Variants in CNTN5 observed in about 807,000 individuals in gnomAD.
CNTN5 encodes the protein contactin-5.
CNTN5 carries 77 observed loss-of-function variants against 129.1 expected under a neutral mutation model. That is an observed-to-expected ratio of 0.60 (90% CI 0.50 to 0.72). CNTN5 has a LOEUF of 0.72. CNTN5 is among the 30% of genes least tolerant of loss of function. CNTN5 has a pLI of 0.00. For synonymous variants in CNTN5, 509 were observed against 465.6 expected, an observed-to-expected ratio of 1.09 and a Z score of -1.20; for missense variants, 1,478 against 1,328.8, an observed-to-expected ratio of 1.11 and a Z score of -1.75.
intron 1 of CNTN5, among the ~76,000 whole-genome samples, chr11:99,140,816 A>G (rs1859475767): frequency 6.6e-6 from 1 of 151,734 alleles, no homozygotes; most frequent in African/African-American, 2.4e-5. Context: ...CATATATCAA[A>G]CCAACCTTGA....
At chr11:99,514,184 A>G (rs1946953766) in intron 2 of CNTN5, among the ~76,000 whole-genome samples, 1 of 152,084 alleles carries the variant, frequency 6.6e-6, no homozygotes, top group African/African-American at 2.4e-5. Context: ...TATAACTGAA[A>G]CATAAAGACG....
intron 21 of CNTN5, 163 bp downstream of exon 21, chr11:100,308,631 T>C: frequency 7.5e-7 from 1 of 1,341,612 alleles, no homozygotes; most frequent in South Asian, 1.9e-5. Flanking sequence ...ATGTGTTATG[T>C]TGCTCATTAA....
chr11:99,223,462 T>C (rs1374933628), intron 1 of CNTN5, among the ~76,000 whole-genome samples: 1 of 152,200 alleles, frequency 6.6e-6, no homozygotes, highest in African/African-American at 2.4e-5. Flanking sequence ...GTTTTCTATT[T>C]CTTTCTCTCT....
At chr11:99,810,366 C>A (rs1389421941) in intron 3 of CNTN5, among the ~76,000 whole-genome samples, 1 of 152,040 alleles carries the variant, frequency 6.6e-6, no homozygotes, top group Non-Finnish European at 1.5e-5. Context: ...CAGTCTTATG[C>A]AAGGAATACC....
intron 3 of CNTN5, among the ~76,000 whole-genome samples, chr11:99,737,716 A>G (rs772855633): frequency 2.0e-5 from 3 of 152,182 alleles, no homozygotes; most frequent in Non-Finnish European, 4.4e-5. Flanking sequence ...CCCATTTCAC[A>G]CAAGAGTTAT....
At chr11:99,978,467 G>A (rs1938133027) in intron 8 of CNTN5, among the ~76,000 whole-genome samples, 1 of 152,140 alleles carries the variant, frequency 6.6e-6, no homozygotes, top group African/African-American at 2.4e-5. Context: ...AGCAACGTCT[G>A]GTCCTGCAAG....
Position 99,766,439 on chromosome 11 carries a change from A to G in CNTN5, c.56-53105A>G, listed in dbSNP as rs575830298. Among the ~76,000 whole-genome samples the G allele has an allele frequency of 1.1e-4, 16 of 152,184 alleles. No homozygotes were observed. The South Asian group carries it at 2.7e-3, about 26-fold the overall frequency. ...GGAATGAATTCCACTAGATGGTAAC[A>G]ACAGTGCTATAGGCTTGGGAAGATT... On this transcript the variant is annotated intron_variant, in intron 3 of 24. Coordinates refer to ENST00000524871, the MANE Select transcript of CNTN5 (RefSeq NM_014361.4).
intron 3 of CNTN5, among the ~76,000 whole-genome samples, chr11:99,644,144 A>T (rs1368347913): frequency 6.0e-5 from 8 of 134,394 alleles, no homozygotes. Context: ...ACTTGTAAAT[A>T]TCATTTCCAA....
chr11:99,762,883 T>A (rs1374790543), intron 3 of CNTN5, among the ~76,000 whole-genome samples: 1 of 152,198 alleles, frequency 6.6e-6, no homozygotes, highest in African/African-American at 2.4e-5. Flanking sequence ...AAGATTCTTA[T>A]GAATTCTTTT....
At chr11:100,154,102 T>C (rs568044582) in intron 13 of CNTN5, among the ~76,000 whole-genome samples, 1 of 152,158 alleles carries the variant, frequency 6.6e-6, no homozygotes, top group African/African-American at 2.4e-5. Context: ...CTATCCCTCC[T>C]CTAGCACCCC....
At chr11:99,068,461 A>T (rs1865194847) in intron 1 of CNTN5, among the ~76,000 whole-genome samples, 1 of 152,180 alleles carries the variant, frequency 6.6e-6, no homozygotes, top group Non-Finnish European at 1.5e-5. Context: ...GATAGCATCT[A>T]AAACAGCAGC....
intron 17 of CNTN5, among the ~76,000 whole-genome samples, chr11:100,265,295 G>A (rs544569168): frequency 1.3e-5 from 2 of 152,254 alleles, no homozygotes; most frequent in African/African-American, 4.8e-5. Context: ...TATTGGCAGA[G>A]GCATGCTGTC....
chr11:100,143,196 T>C (rs1413474277), intron 13 of CNTN5, among the ~76,000 whole-genome samples: 2 of 152,030 alleles, frequency 1.3e-5, no homozygotes. Context: ...TAGTTTTATG[T>C]TTTTTTTCTA....
At chr11:99,715,531 A>G (rs1017315949) in intron 3 of CNTN5, among the ~76,000 whole-genome samples, 2 of 151,944 alleles carry the variant, frequency 1.3e-5, no homozygotes, top group African/African-American at 4.8e-5. Flanking sequence ...AACAGGAAAC[A>G]GAGTGAACCC....
intron 2 of CNTN5, among the ~76,000 whole-genome samples, chr11:99,421,152 C>T (rs75669350): frequency 3.4e-5 from 5 of 148,328 alleles, no homozygotes; most frequent in African/African-American, 5.0e-5. Context: ...TTTTTTTTTC[C>T]GCCTAATAAA....
intron 9 of CNTN5, among the ~76,000 whole-genome samples, chr11:100,045,533 T>G (rs996192888): frequency 6.6e-6 from 1 of 152,140 alleles, no homozygotes; most frequent in Non-Finnish European, 1.5e-5. Flanking sequence ...TATCCTCATA[T>G]GAAAGAATTA....
chr11:99,388,611 A>G (rs546743710), intron 2 of CNTN5, among the ~76,000 whole-genome samples: 5 of 152,290 alleles, frequency 3.3e-5, no homozygotes, highest in East Asian at 1.9e-4. Context: ...TCAGACTGCT[A>G]TCTTAATGAA....
chr11:100,309,408 T>C, intron 21 of CNTN5: 1 of 970,632 alleles, frequency 1.0e-6, no homozygotes, highest in Non-Finnish European at 1.2e-6. Flanking sequence ...AAATAATGAT[T>C]TCTATGATAA....
intron 1 of CNTN5, among the ~76,000 whole-genome samples, chr11:99,241,036 C>T (rs375302598): frequency 2.6e-5 from 4 of 152,114 alleles, no homozygotes; most frequent in East Asian, 3.8e-4. Context: ...ACACACAATT[C>T]GAGATTCAAT....
Sources: allele counts gnomAD v4.1 joint callset (sites outside exome capture counted in the v4.1 genomes callset), GRCh38; gene constraint gnomAD v4.1.1; transcripts MANE v1.5; gene names NCBI Gene and HGNC (gene_info 2026-07-23, HGNC 2026-07-21).